MZT1: variants seen among roughly 807,000 people sequenced by gnomAD.
MZT1 encodes the protein mitotic spindle organizing protein 1.
A neutral mutation model predicts 8.5 loss-of-function variants in MZT1; 8 were observed. The observed-to-expected ratio is 0.94, with a 90% confidence interval of 0.55 to 1.70. The LOEUF (loss-of-function observed/expected upper bound fraction) is 1.70, where lower values mean the gene tolerates loss of function less well. Ranked by LOEUF, MZT1 falls within the 40% of genes most tolerant of loss-of-function variation. MZT1 has a pLI of 0.00. For missense variants in MZT1, 93 were observed against 108.6 expected (o/e 0.86, Z 0.64); for synonymous variants, 38 against 42.0 (o/e 0.90, Z 0.37).
rs544972433 is a variant in MZT1 at position 72,710,025 on chromosome 13, T to C, written c.*297A>G. 7.4e-4 allele frequency: 269 copies of C among 363,330 alleles called. 2 individuals are homozygous for C. Among genetic ancestry groups the C allele is most frequent in the Admixed American group, 8.0e-4 (18 of 22,444 alleles). 22.5% of individuals were successfully genotyped at this position (363,330 alleles called of 1,614,324 possible). On this transcript the variant is annotated 3_prime_UTR_variant, in exon 3 of 3. Transcript: ENST00000377818. The stretch of plus-strand genomic sequence containing the variant: ...GTGCACATCTGATAGACAGACTGCT[T>C]AGAAAATTAAAGCTATCAGAGCTAT...
Position 72,719,109 on chromosome 13 carries a change from T to C in MZT1, c.80-12A>G. On this transcript the variant is annotated splice_polypyrimidine_tract_variant and intron_variant, in intron 1 of 2. Transcript: ENST00000377818. ...AATCTCAAGCAGAACTGAAAAAAGA[T>C]ACAAAAAAAAAAAAAACTTAAGGCT... 1 of 1,338,080 alleles carries C rather than the reference T, an allele frequency of 7.5e-7. No individual in the cohort carries two copies. Among genetic ancestry groups the C allele is most frequent in the Admixed American group, 3.1e-5 (1 of 31,918 alleles). The allele number at this position is 1,338,080 out of a possible 1,614,324, so 82.9% of individuals were successfully genotyped here. A position where few individuals can be genotyped will look rare whatever the true frequency, so the allele number is the denominator to read the frequency against.
intron 1 of MZT1, among the ~76,000 whole-genome samples, chr13:72,721,749 G>C (rs1364449165): frequency 6.6e-6 from 1 of 152,170 alleles, no homozygotes; most frequent in African/African-American, 2.4e-5. Flanking sequence ...GATGTCCAGT[G>C]TCTTGAAAAC....
rs1464060315 is a variant in MZT1 at position 72,708,776 on chromosome 13, T to C, written c.*1546A>G. 6.6e-6 allele frequency: 1 copy of C among 151,696 alleles called. No homozygotes were observed. Among genetic ancestry groups the C allele is most frequent in the Non-Finnish European group, 1.5e-5 (1 of 67,928 alleles). The allele number at this position is 151,696 out of a possible 1,614,324, so 9.4% of individuals were successfully genotyped here. ...GTAACAGATCTTCCAGTTTACTTGGTTGGTAAAGATGCCAGGCATTTAAAA... is the reference window on the plus strand; with the variant it reads ...GTAACAGATCTTCCAGTTTACTTGGCTGGTAAAGATGCCAGGCATTTAAAA... On this transcript the variant is annotated 3_prime_UTR_variant, in exon 3 of 3. Transcript: ENST00000377818.
intron 2 of MZT1, among the ~76,000 whole-genome samples, chr13:72,717,198 T>C (rs538625324): frequency 2.0e-5 from 3 of 152,310 alleles, no homozygotes; most frequent in African/African-American, 7.2e-5. Flanking sequence ...TGTCACATTA[T>C]TAAGCAGCAA....
At chr13:72,727,450 C>T (rs200478166) in intron 1 of MZT1, 74 bp downstream of exon 1, 41 of 1,476,124 alleles carry the variant, frequency 2.8e-5, no homozygotes, top group Non-Finnish European at 3.9e-5. Context: ...GAAGTCCTCC[C>T]CAGGCTCATT....
At chr13:72,714,111 C>T (rs571032712) in intron 2 of MZT1, among the ~76,000 whole-genome samples, 5 of 151,098 alleles carry the variant, frequency 3.3e-5, no homozygotes, top group African/African-American at 9.7e-5. Context: ...TGACAGTCTC[C>T]GAGGCCCAGG....
rs181023219 is a variant in MZT1 at position 72,711,042 on chromosome 13, C to G, written c.226-697G>C. ...AAGACCTACCTACACAGGGACACAT[C>G]GCAGATTTACACTAAAGTATTAGTA... On this transcript the variant is annotated intron_variant, in intron 2 of 2. Transcript: ENST00000377818. 1.5e-3 allele frequency among the ~76,000 whole-genome samples: 232 copies of G among 152,224 alleles called. 2 individuals carry two copies. Among genetic ancestry groups the G allele is most frequent in the African/African-American group, 5.1e-3 (211 of 41,554 alleles).
In MZT1 at chr13:72,708,454, C is replaced by A. The variant is rs1435765803; in HGVS notation, c.*1868G>T. On this transcript the variant is annotated 3_prime_UTR_variant, in exon 3 of 3. Coordinates refer to ENST00000377818, the MANE Select transcript of MZT1 (RefSeq NM_001071775.3). Reference sequence around the variant, plus strand: ...ATTTTGTTTAGTTTCTTAAATATTACTTAAGTATGCATTAAAAATATGTTT... The same window carrying A: ...ATTTTGTTTAGTTTCTTAAATATTAATTAAGTATGCATTAAAAATATGTTT... The A allele has an allele frequency of 6.6e-6, 1 of 152,458 alleles. No homozygotes were observed. The highest frequency in any genetic ancestry group is 6.6e-5 in the Admixed American group (1 of 15,246). The allele number at this position is 152,458 out of a possible 1,614,324, so 9.4% of individuals were successfully genotyped here. A position where few individuals can be genotyped will look rare whatever the true frequency, so the allele number is the denominator to read the frequency against.
chr13:72,720,879 ACT>A (rs559773143), intron 1 of MZT1, among the ~76,000 whole-genome samples: 242 of 152,104 alleles, frequency 1.6e-3, no homozygotes, highest in African/African-American at 5.5e-3. Context: ...CAAGAGCAAA[ACT>A]CTGTCTCAAA....
At position 72,727,555 on chromosome 13, in the gene MZT1, CGCCGCCGCG is replaced by C. The variant is rs1163105155; in HGVS notation, c.39_47del (p.Ala14_Ala16del). On this transcript the variant is annotated inframe_deletion, in exon 1 of 3. Transcript: ENST00000377818. ...TGGTCTCCCGCACCGCATTCAGATTCGCCGCCGCGGCCGCCGCCGCCGCCCCAGCACCGC... is the reference window on the plus strand; with the variant it reads ...TGGTCTCCCGCACCGCATTCAGATTCGCCGCCGCCGCCGCCCCAGCACCGC... The C allele has an allele frequency of 2.5e-6, 4 of 1,608,504 alleles. No individual in the cohort carries two copies. The highest frequency in any genetic ancestry group is 1.7e-5 in the Admixed American group (1 of 59,740).
At chr13:72,722,590 C>T (rs1292898103) in intron 1 of MZT1, among the ~76,000 whole-genome samples, 3 of 152,122 alleles carry the variant, frequency 2.0e-5, no homozygotes, top group Admixed American at 6.5e-5. Context: ...TAGCTTTAGG[C>T]CTCTAGATCA....
intron 1 of MZT1, among the ~76,000 whole-genome samples, chr13:72,725,246 G>C (rs563888428): frequency 1.3e-5 from 2 of 152,062 alleles, no homozygotes; most frequent in Non-Finnish European, 2.9e-5. Flanking sequence ...TGCGAGGGGG[G>C]TGTTGTTGAA....
intron 1 of MZT1, among the ~76,000 whole-genome samples, chr13:72,725,482 C>T (rs1208466911): frequency 1.3e-5 from 2 of 152,156 alleles, no homozygotes; most frequent in Admixed American, 6.5e-5. Flanking sequence ...ATTCACATGA[C>T]TTAAAGGGAG....
chr13:72,723,348 A>G (rs747934698), intron 1 of MZT1, among the ~76,000 whole-genome samples: 3 of 152,218 alleles, frequency 2.0e-5, no homozygotes, highest in Non-Finnish European at 4.4e-5. Flanking sequence ...AGTGCCTACC[A>G]TATGATCAGT....
Position 72,713,433 on chromosome 13 carries a change from C to A in MZT1, c.226-3088G>T, listed in dbSNP as rs1462768764. ...ACGAAGGTCCACAGATGCTCAAATG[C>A]CTTATATAAAAGGGTATAGTATTTG... On this transcript the variant is annotated intron_variant, in intron 2 of 2. Transcript: ENST00000377818. Among the ~76,000 whole-genome samples the A allele has an allele frequency of 2.6e-5, 4 of 152,230 alleles. 1 individual carries two copies. Among genetic ancestry groups the A allele is most frequent in the Admixed American group, 2.6e-4 (4 of 15,274 alleles).
chr13:72,717,272 C>T (rs1469927436), intron 2 of MZT1, among the ~76,000 whole-genome samples: 1 of 151,904 alleles, frequency 6.6e-6, no homozygotes, highest in African/African-American at 2.4e-5. Flanking sequence ...TATCCAAGTT[C>T]ATTGCTTACA....
At chr13:72,712,107 A>G (rs929765211) in intron 2 of MZT1, among the ~76,000 whole-genome samples, 2 of 152,216 alleles carry the variant, frequency 1.3e-5, no homozygotes, top group African/African-American at 2.4e-5. Flanking sequence ...CATAAAAATT[A>G]TAGAGATTAT....
chr13:72,719,798 T>C (rs1436521211), intron 1 of MZT1, among the ~76,000 whole-genome samples: 1 of 152,234 alleles, frequency 6.6e-6, no homozygotes, highest in Non-Finnish European at 1.5e-5. Context: ...TTGTAGTTGA[T>C]AGAACTCATT....
At chr13:72,714,138 A>T (rs1306075366) in intron 2 of MZT1, among the ~76,000 whole-genome samples, 1 of 151,958 alleles carries the variant, frequency 6.6e-6, no homozygotes, top group African/African-American at 2.4e-5. Flanking sequence ...ACCTGGAGCA[A>T]AGGTCATGCA....
Sources: allele counts gnomAD v4.1 joint callset (sites outside exome capture counted in the v4.1 genomes callset), GRCh38; gene constraint gnomAD v4.1.1; transcripts MANE v1.5; gene names NCBI Gene and HGNC (gene_info 2026-07-23, HGNC 2026-07-21).